The following ZNF804A variants were observed in gnomAD, a reference collection of about 807,000 sequenced individuals.
ZNF804A encodes the protein zinc finger protein 804A.
In ZNF804A, 2 loss-of-function variants were observed where a neutral mutation model predicts 16.5. The ratio of observed to expected loss-of-function variants is 0.12; its 90% CI spans 0.05 to 0.38. The LOEUF is 0.38. ZNF804A is among the 10% of genes least tolerant of loss of function. The pLI, the probability that ZNF804A is intolerant of heterozygous loss-of-function variation, is 0.99. For synonymous variants in ZNF804A, 534 were observed against 489.6 expected (o/e 1.09, Z -1.20); for missense variants, 1,473 against 1,390.7 (o/e 1.06, Z -0.94).
chr2:184,750,325 T>G (rs1165582216), intron 1 of ZNF804A, among the ~76,000 whole-genome samples: 1 of 151,368 alleles, frequency 6.6e-6, no homozygotes, highest in Admixed American at 6.6e-5. Context: ...ATTCACATCT[T>G]AATGTGACAA....
At chr2:184,891,862 A>G (rs1356217569) in intron 2 of ZNF804A, among the ~76,000 whole-genome samples, 2 of 152,328 alleles carry the variant, frequency 1.3e-5, no homozygotes, top group East Asian at 3.9e-4. Flanking sequence ...TTATAAATTG[A>G]CGTGACCTTG....
intron 1 of ZNF804A, among the ~76,000 whole-genome samples, chr2:184,760,016 C>T (rs912231903): frequency 1.3e-5 from 2 of 152,080 alleles, no homozygotes; most frequent in African/African-American, 4.8e-5. Flanking sequence ...GACGTGAACT[C>T]GCTGAGTCCG....
intron 1 of ZNF804A, among the ~76,000 whole-genome samples, chr2:184,836,485 A>G (rs527891865): frequency 6.6e-6 from 1 of 152,244 alleles, no homozygotes; most frequent in East Asian, 1.9e-4. Flanking sequence ...ATTACAACTG[A>G]TAAATATAAC....
At chr2:184,709,214 A>AG (rs1693084327) in intron 1 of ZNF804A, among the ~76,000 whole-genome samples, 1 of 152,162 alleles carries the variant, frequency 6.6e-6, no homozygotes, top group South Asian at 2.1e-4. Flanking sequence ...ATTTGAATTC[A>AG]GAATGTCAGT....
chr2:184,660,631 G>A (rs1692158259), intron 1 of ZNF804A, among the ~76,000 whole-genome samples: 1 of 152,166 alleles, frequency 6.6e-6, no homozygotes, highest in Non-Finnish European at 1.5e-5. Context: ...GTCCTTCTAA[G>A]CACTGTGAAG....
chr2:184,785,219 G>A (rs1362965919), intron 1 of ZNF804A, among the ~76,000 whole-genome samples: 4 of 151,844 alleles, frequency 2.6e-5, no homozygotes, highest in African/African-American at 9.7e-5. Context: ...AGTTCATCAG[G>A]AATATAATTT....
At chr2:184,832,867 C>A (rs1476482865) in intron 1 of ZNF804A, among the ~76,000 whole-genome samples, 1 of 151,908 alleles carries the variant, frequency 6.6e-6, no homozygotes, top group Non-Finnish European at 1.5e-5. Context: ...ATCCTTTGCA[C>A]ATTGCCAATA....
chr2:184,846,713 C>G (rs1049721591), intron 1 of ZNF804A, among the ~76,000 whole-genome samples: 5 of 152,008 alleles, frequency 3.3e-5, no homozygotes, highest in Non-Finnish European at 5.9e-5. Context: ...ATGAAGGTGA[C>G]TAATCTAACT....
chr2:184,851,065 A>G (rs1019730363), intron 1 of ZNF804A, among the ~76,000 whole-genome samples: 1 of 151,754 alleles, frequency 6.6e-6, no homozygotes, highest in Non-Finnish European at 1.5e-5. Flanking sequence ...ATTTATTTTT[A>G]ATTGGCAGCT....
chr2:184,768,373 T>C (rs1694162143), intron 1 of ZNF804A, among the ~76,000 whole-genome samples: 1 of 152,090 alleles, frequency 6.6e-6, no homozygotes, highest in Admixed American at 6.6e-5. Context: ...ATTATACTAA[T>C]ATAAAACTCC....
At chr2:184,861,410 T>C (rs947286892) in intron 1 of ZNF804A, among the ~76,000 whole-genome samples, 3 of 152,214 alleles carry the variant, frequency 2.0e-5, no homozygotes, top group African/African-American at 7.2e-5. Flanking sequence ...TTTAAATTGA[T>C]GTTTCTGCAG....
chr2:184,861,600 G>T (rs1695800512), intron 1 of ZNF804A, among the ~76,000 whole-genome samples: 1 of 152,140 alleles, frequency 6.6e-6, no homozygotes. Context: ...AGGAAAACAG[G>T]TACAAATTCT....
At chr2:184,932,466 T>C (rs1685717292) in intron 2 of ZNF804A, among the ~76,000 whole-genome samples, 2 of 152,166 alleles carry the variant, frequency 1.3e-5, no homozygotes, top group South Asian at 4.2e-4. Flanking sequence ...TATAAAACCA[T>C]CAGATCTCAT....
chr2:184,842,063 TACTC>T (rs1300640257), intron 1 of ZNF804A, among the ~76,000 whole-genome samples: 1 of 152,240 alleles, frequency 6.6e-6, no homozygotes, highest in African/African-American at 2.4e-5. Flanking sequence ...GTCCTTCCCT[TACTC>T]ATTGTATCTT....
intron 1 of ZNF804A, among the ~76,000 whole-genome samples, chr2:184,790,764 C>T (rs1272421230): frequency 2.6e-5 from 4 of 151,992 alleles, no homozygotes; most frequent in East Asian, 1.9e-4. Flanking sequence ...CCACAACGCC[C>T]GGCTAATTTT....
intron 1 of ZNF804A, among the ~76,000 whole-genome samples, chr2:184,833,620 G>T (rs915208271): frequency 2.0e-5 from 3 of 151,984 alleles, no homozygotes; most frequent in African/African-American, 7.2e-5. Flanking sequence ...TAGTTTATTT[G>T]TTGTTAATTT....
rs1408869701 is a variant in ZNF804A at position 184,755,332 on chromosome 2, C to T, written c.112-111037C>T. 3.3e-5 allele frequency among the ~76,000 whole-genome samples: 5 copies of T among 151,932 alleles called. 1 individual carries two copies. Among genetic ancestry groups the T allele is most frequent in the Admixed American group, 1.3e-4 (2 of 15,208 alleles). On this transcript the variant is annotated intron_variant, in intron 1 of 3. Transcript: ENST00000302277. ...TGGCCAACTTTCTATAATATGATTCCTTCCTATAAATGAAGTGTTTGTTTC... is the reference window on the plus strand; with the variant it reads ...TGGCCAACTTTCTATAATATGATTCTTTCCTATAAATGAAGTGTTTGTTTC...
At chr2:184,609,761 G>T (rs542969856) in intron 1 of ZNF804A, among the ~76,000 whole-genome samples, 20 of 152,328 alleles carry the variant, frequency 1.3e-4, no homozygotes, top group African/African-American at 4.8e-4. Flanking sequence ...TCTCCCAAAG[G>T]CTTCATCTTC....
At position 184,650,043 on chromosome 2, in the gene ZNF804A, A is replaced by G. The variant is rs567357318; in HGVS notation, c.111+50973A>G. ...CTGTAGGCCATTATCGCTGATGAAC[A>G]TAAAGGACAAATCCTCGAGAAAATA... On this transcript the variant is annotated intron_variant, in intron 1 of 3. Coordinates refer to ENST00000302277, the MANE Select transcript of ZNF804A (RefSeq NM_194250.2). 1.1e-4 allele frequency among the ~76,000 whole-genome samples: 16 copies of G among 152,226 alleles called. 1 individual carries two copies. The South Asian group carries it at 3.3e-3, about 32-fold the overall frequency.
Sources: gnomAD v4.1 joint callset for allele counts (sites outside exome capture counted in the v4.1 genomes callset) on GRCh38, gnomAD v4.1.1 for gene constraint, MANE v1.5 for transcripts, NCBI Gene and HGNC (gene_info 2026-07-23, HGNC 2026-07-21) for gene names.